BSN: variants seen among roughly 807,000 people sequenced by gnomAD.
BSN encodes bassoon presynaptic cytomatrix protein, also known as protein bassoon.
In BSN, 57 loss-of-function variants were observed where a neutral mutation model predicts 264.8. The ratio of observed to expected loss-of-function variants is 0.22; its 90% CI spans 0.17 to 0.27. The LOEUF (loss-of-function observed/expected upper bound fraction) is 0.27, where lower values mean the gene tolerates loss of function less well. Ranked by LOEUF, BSN falls within the 10% of genes least tolerant of loss-of-function variation. The pLI is 1.00. For missense variants in BSN, 4,615 were observed against 5,232.5 expected, an observed-to-expected ratio of 0.88 and a Z score of 3.64; for synonymous variants, 2,059 against 2,137.3, an observed-to-expected ratio of 0.96 and a Z score of 1.01.
chr3:49,578,547 A>G (rs1182086713), intron 1 of BSN, among the ~76,000 whole-genome samples: 1 of 152,012 alleles, frequency 6.6e-6, no homozygotes, highest in East Asian at 1.9e-4. Context: ...AGCTGGGACT[A>G]CAGGTGCCCA....
Position 49,651,985 on chromosome 3 carries a change from T to C in BSN, c.2429T>C (p.Leu810Ser). The stretch of plus-strand genomic sequence containing the variant: ...TCCTCAGACGACTTTGGCAGCCAAT[T>C]GAGGCACGACTATGTGGAGGACAGC... The part of the protein sequence containing the change: ...AESSDDFGSQ[L>S]RHDYVEDSSE... Residue 810 changes from leucine to serine, a missense_variant, in exon 5 of 12, where the codon TTG (leucine) becomes TCG (serine). Around this residue, in one of 3 missense-constraint regions of BSN, gnomAD observed 1,197 missense variants for 1,348.0 expected, o/e 0.89. Coordinates refer to ENST00000296452, the MANE Select transcript of BSN (RefSeq NM_003458.4). The surrounding 1 kb of genome is among the most constrained non-coding windows in gnomAD (Gnocchi z 5.4). The C allele has an allele frequency of 6.2e-7, 1 of 1,613,494 alleles. No individual in the cohort carries two copies. The highest frequency in any genetic ancestry group is 8.5e-7 in the Non-Finnish European group (1 of 1,179,738).
intron 1 of BSN, among the ~76,000 whole-genome samples, chr3:49,623,881 T>C (rs1348402574): frequency 1.3e-5 from 2 of 152,240 alleles, no homozygotes; most frequent in Non-Finnish European, 1.5e-5. Context: ...TGGGCTCATG[T>C]TGGAATCACC....
chr3:49,621,865 A>C (rs1330445121), intron 1 of BSN, among the ~76,000 whole-genome samples: 1 of 152,156 alleles, frequency 6.6e-6, no homozygotes, highest in Non-Finnish European at 1.5e-5. Flanking sequence ...TGACTTGGCA[A>C]CCTGGCAAGT....
Position 49,654,739 on chromosome 3 carries a change from C to T in BSN, c.5183C>T (p.Thr1728Ile). 6.2e-7 allele frequency: 1 copy of T among 1,613,744 alleles called. No homozygotes were observed. Among genetic ancestry groups the T allele is most frequent in the South Asian group, 1.1e-5 (1 of 91,078 alleles). ...LNAQEHTFLATATTVSITMAS... is the reference protein window; with the variant it reads ...LNAQEHTFLAIATTVSITMAS... ...GCCCAGGAGCATACCTTCCTTGCTACTGCCACCACCGTGAGCATCACCATG... is the reference window on the plus strand; with the variant it reads ...GCCCAGGAGCATACCTTCCTTGCTATTGCCACCACCGTGAGCATCACCATG... Residue 1728 changes from threonine (T) to isoleucine (I), a missense_variant, in exon 5 of 12, where the codon ACT becomes ATT. Thr to Ile is a moderately conservative substitution (Grantham distance 89). Transcript: ENST00000296452. This position sits in a 1 kb window ranked among gnomAD's most constrained non-coding sequence, Gnocchi z 4.1.
intron 1 of BSN, among the ~76,000 whole-genome samples, chr3:49,613,303 C>CGAGAGAGAGAGG (rs2052223853): frequency 2.1e-5 from 1 of 47,332 alleles, no homozygotes; most frequent in Non-Finnish European, 4.0e-5. Context: ...ACACACAGAG[C>CGAGAGAGAGAGG]GAGAGAGAGA....
intron 1 of BSN, among the ~76,000 whole-genome samples, chr3:49,606,491 A>G (rs1295036885): frequency 2.0e-5 from 3 of 150,258 alleles, no homozygotes; most frequent in African/African-American, 2.5e-5. Context: ...ATCTTTGCTT[A>G]TATCCTGCAC....
intron 1 of BSN, among the ~76,000 whole-genome samples, chr3:49,606,255 T>TTA (rs34602312): frequency 7.9e-3 from 30 of 3,792 alleles, no homozygotes; most frequent in African/African-American, 0.014. Context: ...ATATTATATA[T>TTA]AAAATATATA....
intron 1 of BSN, among the ~76,000 whole-genome samples, chr3:49,605,929 ATCTATTT>A (rs1312613865): frequency 1.4e-5 from 1 of 70,918 alleles, no homozygotes; most frequent in Non-Finnish European, 2.4e-5. Flanking sequence ...TAGATATAAA[ATCTATTT>A]ATATATAAAT....
intron 1 of BSN, among the ~76,000 whole-genome samples, chr3:49,566,022 G>A (rs1196510839): frequency 6.6e-6 from 1 of 152,056 alleles, no homozygotes; most frequent in Non-Finnish European, 1.5e-5. Context: ...ACGGGGTTTT[G>A]CCATGTTGGC....
intron 3 of BSN, among the ~76,000 whole-genome samples, chr3:49,643,626 C>T (rs1157599839): frequency 1.3e-5 from 2 of 152,176 alleles, no homozygotes; most frequent in Non-Finnish European, 2.9e-5. Flanking sequence ...AGGGCATGTC[C>T]CACTGTCCAG....
chr3:49,614,422 A>T (rs771178219), intron 1 of BSN, among the ~76,000 whole-genome samples: 6 of 152,212 alleles, frequency 3.9e-5, no homozygotes, highest in Non-Finnish European at 7.3e-5. Flanking sequence ...ACTGGTGGCC[A>T]CATATAGCTC....
In BSN at chr3:49,624,300, C is replaced by CTTTTTTTTTT. The variant is rs71080542; in HGVS notation, c.225-667_225-658dup. ...CCAGGCGTGAGCCAACGTGCCCAGC[C>CTTTTTTTTTT]TTTTTTTTTTTTTTTTTAGACAGGG... On this transcript the variant is annotated intron_variant, in intron 1 of 11. Transcript: ENST00000296452. Among the ~76,000 whole-genome samples, 31 of 67,182 alleles carry CTTTTTTTTTT rather than the reference C, an allele frequency of 4.6e-4. 10 individuals are homozygous for CTTTTTTTTTT. Among genetic ancestry groups the CTTTTTTTTTT allele is most frequent in the East Asian group, 1.0e-3 (2 of 1,954 alleles). The allele number at this position is 67,182 out of a possible 152,430, so 44.1% of individuals were successfully genotyped here. A position where few individuals can be genotyped will look rare whatever the true frequency, so the allele number is the denominator to read the frequency against.
Position 49,661,855 on chromosome 3 carries a change from G to A in BSN, c.10010G>A (p.Gly3337Glu). 1 of 1,613,552 alleles carries A rather than the reference G, an allele frequency of 6.2e-7. No homozygotes were observed. Among genetic ancestry groups the A allele is most frequent in the Non-Finnish European group, 8.5e-7 (1 of 1,180,032 alleles). The change falls in exon 6 of 12, where the codon GGG becomes GAG. Residue 3337 changes from glycine to glutamate, a missense_variant. Physicochemically the swap from Gly to Glu is moderately conservative, Grantham distance 98. Coordinates refer to ENST00000296452, the MANE Select transcript of BSN (RefSeq NM_003458.4). ...GCTCGAGTAGAGAAGTATGGTCCAGGGCCCATGGGGCCCAAGCATCCCTCC... is the reference window on the plus strand; with the variant it reads ...GCTCGAGTAGAGAAGTATGGTCCAGAGCCCATGGGGCCCAAGCATCCCTCC... Reference protein sequence around the residue: ...HGARVEKYGPGPMGPKHPSKS... With the variant: ...HGARVEKYGPEPMGPKHPSKS...
At chr3:49,584,561 C>T (rs7629322) in intron 1 of BSN, among the ~76,000 whole-genome samples, 122,784 of 151,996 alleles carry the variant, frequency 0.81, 50,290 homozygotes, top group East Asian at 0.99. Context: ...AGGCATGCAT[C>T]GTGAAATAAG....
intron 3 of BSN, among the ~76,000 whole-genome samples, chr3:49,645,961 C>T (rs1377364857): frequency 2.0e-5 from 3 of 152,170 alleles, no homozygotes; most frequent in Admixed American, 1.3e-4. Context: ...ACCCGTGGAG[C>T]CCCCCTCATA....
At chr3:49,584,075 CG>C (rs1559597942) in intron 1 of BSN, among the ~76,000 whole-genome samples, 1 of 151,854 alleles carries the variant, frequency 6.6e-6, no homozygotes, top group Non-Finnish European at 1.5e-5. Context: ...TTAGTAGAGA[CG>C]GGGTTTCACC....
chr3:49,582,127 C>T (rs2051899619), intron 1 of BSN, among the ~76,000 whole-genome samples: 1 of 152,142 alleles, frequency 6.6e-6, no homozygotes, highest in African/African-American at 2.4e-5. Context: ...ATGAGGGTTC[C>T]AATTTTTCCA....
chr3:49,596,319 G>T (rs1220168050), intron 1 of BSN, among the ~76,000 whole-genome samples: 1 of 152,148 alleles, frequency 6.6e-6, no homozygotes, highest in Non-Finnish European at 1.5e-5. Flanking sequence ...CAGGAGAATG[G>T]CGTGAACCTA....
intron 1 of BSN, among the ~76,000 whole-genome samples, chr3:49,578,568 C>T (rs556115310): frequency 6.6e-5 from 10 of 151,206 alleles, no homozygotes; most frequent in Admixed American, 5.3e-4. Flanking sequence ...CCACCTTGCC[C>T]GGCCAATTTT....
Sources: gnomAD v4.1 joint callset for allele counts (sites outside exome capture counted in the v4.1 genomes callset) on GRCh38, gnomAD v4.1.1 for gene constraint, gnomAD v4.1.1 regional missense constraint, Gnocchi (gnomAD v3.1) non-coding constraint, MANE v1.5 for transcripts, NCBI Gene and HGNC (gene_info 2026-07-23, HGNC 2026-07-21) for gene names.